The following HNRNPH3 variants were observed in gnomAD, a reference collection of about 807,000 sequenced individuals.
HNRNPH3 encodes the protein heterogeneous nuclear ribonucleoprotein 2H9.
HNRNPH3 carries 7 observed loss-of-function variants against 47.0 expected under a neutral mutation model. The ratio of observed to expected loss-of-function variants is 0.15; its 90% CI spans 0.08 to 0.28. HNRNPH3 has a LOEUF of 0.28. Among genes scored for constraint, HNRNPH3 ranks in the 10% least tolerant of loss-of-function variants. HNRNPH3 has a pLI of 1.00. For synonymous variants in HNRNPH3, 120 were observed against 143.2 expected, an observed-to-expected ratio of 0.84 and a Z score of 1.16; for missense variants, 279 against 449.6, an observed-to-expected ratio of 0.62 and a Z score of 3.43.
rs2045622487 is a variant in HNRNPH3 at position 68,337,879 on chromosome 10, G to T, written c.134G>T (p.Gly45Val). 2 of 1,613,308 alleles carry T rather than the reference G, an allele frequency of 1.2e-6. No individual in the cohort carries two copies. Among genetic ancestry groups the T allele is most frequent in the Non-Finnish European group, 1.7e-6 (2 of 1,179,414 alleles). Residue 45 changes from glycine (G) to valine (V), a missense_variant, in exon 3 of 10, where the codon GGG becomes GTG. By Grantham distance (109) the Gly-to-Val change is moderately radical (BLOSUM62 -3). This residue lies in a region of HNRNPH3 where 40 missense variants were observed against 113.8 expected (regional missense o/e 0.35). Coordinates refer to ENST00000265866, the MANE Select transcript of HNRNPH3 (RefSeq NM_012207.3). This position sits in a 1 kb window ranked among gnomAD's most constrained non-coding sequence, Gnocchi z 4.5. ...AAAGGGTTGGAAATCGTGCCAAATGGGATAACATTGACGATGGACTACCAG... is the reference window on the plus strand; with the variant it reads ...AAAGGGTTGGAAATCGTGCCAAATGTGATAACATTGACGATGGACTACCAG... ...FFQGLEIVPN[G>V]ITLTMDYQGR...
Position 68,342,020 on chromosome 10 carries a change from G to T in HNRNPH3, c.1007G>T (p.Gly336Val). Residue 336 changes from glycine (G) to valine (V), a missense_variant, in exon 10 of 10, where the codon GGC becomes GTC. Gly to Val is a moderately radical substitution (Grantham distance 109). Around this residue, in one of 2 missense-constraint regions of HNRNPH3, gnomAD observed 239 missense variants for 335.8 expected, o/e 0.71. Coordinates refer to ENST00000265866, the MANE Select transcript of HNRNPH3 (RefSeq NM_012207.3). ...AGTGGAGGTTACTATGGGCAAGGCG[G>T]CATGAGTGGAGGTGGATGGCGTGGG... ...GGSGGYYGQG[G>V]MSGGGWRGMY 6.2e-7 allele frequency: 1 copy of T among 1,613,966 alleles called. No individual in the cohort carries two copies. The highest frequency in any genetic ancestry group is 8.5e-7 in the Non-Finnish European group (1 of 1,179,982).
At chr10:68,341,390 G>A (rs957893397) in intron 7 of HNRNPH3, 81 bp downstream of exon 7, 29 of 1,431,102 alleles carry the variant, frequency 2.0e-5, no homozygotes, top group South Asian at 1.2e-4. Context: ...TGTAGGTAAC[G>A]CTTGGCAGTT....
At chr10:68,340,098 G>A (rs2045799027) in intron 6 of HNRNPH3, among the ~76,000 whole-genome samples, 2 of 152,004 alleles carry the variant, frequency 1.3e-5, no homozygotes, top group South Asian at 4.2e-4. Context: ...GCAGTGGCGC[G>A]ATCTCGGCTC....
At chr10:68,339,583 G>GT (rs1477415649) in intron 6 of HNRNPH3, 28 bp downstream of exon 6, 1 of 1,352,766 alleles carries the variant, frequency 7.4e-7, no homozygotes, top group Non-Finnish European at 1.1e-6. Context: ...ACTATTAGTG[G>GT]TTTTATACTT....
chr10:68,338,769 G>C, intron 4 of HNRNPH3, 82 bp downstream of exon 4: 2 of 1,125,132 alleles, frequency 1.8e-6, no homozygotes, highest in South Asian at 3.6e-5. Flanking sequence ...AGAAATGGCA[G>C]TAATTTCAGT....
chr10:68,341,563 ACTCT>A lies in HNRNPH3; in HGVS notation c.776-21_776-18del, dbSNP rs1297710870. On this transcript the variant is annotated intron_variant, in intron 7 of 9. Coordinates refer to ENST00000265866, the MANE Select transcript of HNRNPH3 (RefSeq NM_012207.3). ...ATCCATCATTCCTTTCTCCCCTGTT[ACTCT>A]TTCTTTTTTTCTTAAAGAACATCGA... 1 of 1,479,260 alleles carries A rather than the reference ACTCT, an allele frequency of 6.8e-7. No homozygotes were observed. The highest frequency in any genetic ancestry group is 9.4e-7 in the Non-Finnish European group (1 of 1,067,484). The allele number at this position is 1,479,260 out of a possible 1,614,324, so 91.6% of individuals were successfully genotyped here.
Position 68,342,339 on chromosome 10 carries a change from T to C in HNRNPH3, c.*285T>C, listed in dbSNP as rs1417762216. The C allele has an allele frequency of 1.1e-5, 3 of 279,910 alleles. No individual in the cohort carries two copies. Among genetic ancestry groups the C allele is most frequent in the African/African-American group, 6.7e-5 (3 of 44,918 alleles). 17.3% of individuals were successfully genotyped at this position (279,910 alleles called of 1,614,324 possible). On this transcript the variant is annotated 3_prime_UTR_variant, in exon 10 of 10. Transcript: ENST00000265866. The stretch of plus-strand genomic sequence containing the variant: ...ATGTGCTGCCTTCATAAGATTTGGG[T>C]TGATGTATTTTACTATTAGTTCTAC...
At chr10:68,339,119 G>A in intron 4 of HNRNPH3, 21 bp from the exon 5 acceptor site, 2 of 1,560,468 alleles carry the variant, frequency 1.3e-6, no homozygotes, top group Non-Finnish European at 1.8e-6. Context: ...GTAGTCATGT[G>A]TTTCTCCTTA....
At chr10:68,341,392 T>G in intron 7 of HNRNPH3, 83 bp downstream of exon 7, 1 of 1,400,820 alleles carries the variant, frequency 7.1e-7, no homozygotes, top group Admixed American at 2.2e-5. Flanking sequence ...TAGGTAACGC[T>G]TGGCAGTTGT....
chr10:68,331,714 G>T (rs2045102947), upstream of HNRNPH3: 1 of 152,294 alleles, frequency 6.6e-6, no homozygotes, highest in African/African-American at 2.4e-5. Context: ...TCACGGTGGG[G>T]GCAGATCACC....
chr10:68,340,131 T>C (rs562965029), intron 6 of HNRNPH3, among the ~76,000 whole-genome samples: 1 of 152,066 alleles, frequency 6.6e-6, no homozygotes, highest in East Asian at 1.9e-4. Context: ...ACCTCCCGGG[T>C]TCAAGTTATT....
At chr10:68,339,599 G>C in intron 6 of HNRNPH3, 44 bp downstream of exon 6, 3 of 1,202,872 alleles carry the variant, frequency 2.5e-6, no homozygotes, top group Non-Finnish European at 3.7e-6. Flanking sequence ...TACTTATCCT[G>C]GTGTCTAAAT....
intron 1 of HNRNPH3, chr10:68,336,974 A>G (rs938540341): frequency 2.5e-6 from 1 of 395,382 alleles, no homozygotes; most frequent in Non-Finnish European, 4.5e-6. Flanking sequence ...TATAATATTG[A>G]TACTACGAAA....
chr10:68,341,428 ATAAT>A, intron 7 of HNRNPH3, 119 bp downstream of exon 7: 1 of 1,138,892 alleles, frequency 8.8e-7, no homozygotes, highest in South Asian at 1.4e-5. Flanking sequence ...TTTGACCTCT[ATAAT>A]GGCTTTCTGT....
At position 68,337,014 on chromosome 10, in the gene HNRNPH3, G is replaced by T; in HGVS notation, c.-23-185G>T. 2.1e-6 allele frequency: 1 copy of T among 476,262 alleles called. No individual in the cohort carries two copies. Among genetic ancestry groups the T allele is most frequent in the Non-Finnish European group, 3.7e-6 (1 of 268,630 alleles). The allele number at this position is 476,262 out of a possible 1,614,324, so 29.5% of individuals were successfully genotyped here. On this transcript the variant is annotated intron_variant, in intron 1 of 9. Coordinates refer to ENST00000265866, the MANE Select transcript of HNRNPH3 (RefSeq NM_012207.3). The surrounding 1 kb of genome is among the most constrained non-coding windows in gnomAD (Gnocchi z 4.5). The stretch of plus-strand genomic sequence containing the variant: ...GTACTTTTCCGTAGGAGGGGGTCAG[G>T]TCTCATTGCCTTTTCCGTACCCCAA...
intron 9 of HNRNPH3, 48 bp from the exon 10 acceptor site, chr10:68,341,930 T>C: frequency 6.2e-7 from 1 of 1,600,958 alleles, no homozygotes; most frequent in Non-Finnish European, 8.6e-7. Flanking sequence ...TTTTATTATT[T>C]TATGCAGATA....
rs191186174 is a variant in HNRNPH3 at position 68,339,068 on chromosome 10, T to A, written c.437-72T>A. The stretch of plus-strand genomic sequence containing the variant: ...TTACACAGACTGTTACCACAAAATG[T>A]TTTTGTAAACTAAATTATAAAATTT... On this transcript the variant is annotated intron_variant, in intron 4 of 9. Transcript: ENST00000265866. 2,033 of 1,242,274 alleles carry A rather than the reference T, an allele frequency of 1.6e-3. 4 individuals carry two copies. Among genetic ancestry groups the A allele is most frequent in the Non-Finnish European group, 1.9e-3 (1,698 of 873,476 alleles). 77.0% of individuals were successfully genotyped at this position (1,242,274 alleles called of 1,614,324 possible).
In HNRNPH3 at chr10:68,341,288, T is replaced by G; in HGVS notation, c.754T>G (p.Ser252Ala). 1.2e-6 allele frequency: 2 copies of G among 1,601,336 alleles called. No individual in the cohort carries two copies. The highest frequency in any genetic ancestry group is 1.7e-6 in the Non-Finnish European group (2 of 1,177,292). Residue 252 changes from serine to alanine, a missense_variant, in exon 7 of 10, where the codon TCT (serine) becomes GCT (alanine). By Grantham distance (99) the Ser-to-Ala change is moderately conservative (BLOSUM62 1). This residue lies in a region of HNRNPH3 where 239 missense variants were observed against 335.8 expected (regional missense o/e 0.71). Coordinates refer to ENST00000265866, the MANE Select transcript of HNRNPH3 (RefSeq NM_012207.3). ...ACATGAAGATGCAGTAGCTGCCATG[T>G]CTAAAGATAAAAATAACATGCGTAA... ...VTHEDAVAAM[S>A]KDKNNMQHRY...
rs1040836669 is a variant in HNRNPH3, at chr10:68,341,938, A to G, written c.965-40A>G. 1.5e-5 allele frequency: 24 copies of G among 1,601,528 alleles called. 1 individual carries two copies. The highest frequency in any genetic ancestry group is 3.3e-5 in the South Asian group (3 of 90,824). On this transcript the variant is annotated intron_variant, in intron 9 of 9. Transcript: ENST00000265866. ...GTATTACTTTTATTATTTTATGCAG[A>G]TATCTCCTGCTGAGTGATTCTTAAT...
Sources: gnomAD v4.1 joint callset for allele counts (sites outside exome capture counted in the v4.1 genomes callset) on GRCh38, gnomAD v4.1.1 for gene constraint, gnomAD v4.1.1 regional missense constraint, Gnocchi (gnomAD v3.1) non-coding constraint, MANE v1.5 for transcripts, NCBI Gene and HGNC (gene_info 2026-07-23, HGNC 2026-07-21) for gene names.